SNX4: variants seen among roughly 807,000 people sequenced by gnomAD.
SNX4 encodes sorting nexin 4.
Under a neutral mutation model 70.8 loss-of-function variants are expected in SNX4, and 49 were observed. The ratio of observed to expected loss-of-function variants is 0.69; its 90% CI spans 0.55 to 0.88. The LOEUF (loss-of-function observed/expected upper bound fraction) is 0.88. Ranked by LOEUF, SNX4 falls within the 40% of genes least tolerant of loss-of-function variation. The pLI, the probability that SNX4 is intolerant of heterozygous loss-of-function variation, is 0.00. For synonymous variants in SNX4, 206 were observed against 183.8 expected (o/e 1.12, Z -0.98); for missense variants, 528 against 544.8 (o/e 0.97, Z 0.31).
chr3:125,480,166 C>A, intron 7 of SNX4, 81 bp downstream of exon 7: 1 of 813,504 alleles, frequency 1.2e-6, no homozygotes, highest in South Asian at 2.3e-5. Flanking sequence ...GTAAATACCA[C>A]CTACTACTTG....
At position 125,457,360 on chromosome 3, in the gene SNX4, A is replaced by C. The variant is rs767594625; in HGVS notation, c.950T>G (p.Val317Gly). 1 of 1,611,738 alleles carries C rather than the reference A, an allele frequency of 6.2e-7. No homozygotes were observed. Among genetic ancestry groups the C allele is most frequent in the Non-Finnish European group, 8.5e-7 (1 of 1,178,022 alleles). The stretch of plus-strand genomic sequence containing the variant: ...CTGCATAAGTTCATGTTTCCTGCAC[A>C]CAGCCCTACAGATGAAAAAATGTGC... Reference protein sequence around the residue: ...YLFYAEALRAVCRKHELMQYD... With the variant: ...YLFYAEALRAGCRKHELMQYD... Residue 317 changes from valine (V) to glycine (G), a missense_variant, in exon 11 of 14, where the codon GTG becomes GGG. By Grantham distance (109) the Val-to-Gly change is moderately radical. This residue lies in a region of SNX4 where 159 missense variants were observed against 172.6 expected (regional missense o/e 0.92). Coordinates refer to ENST00000251775, the MANE Select transcript of SNX4 (RefSeq NM_003794.4).
chr3:125,501,173 T>A (rs1213306508), intron 2 of SNX4, among the ~76,000 whole-genome samples: 4 of 152,166 alleles, frequency 2.6e-5, no homozygotes, highest in Admixed American at 1.3e-4. Context: ...AAACAATCTA[T>A]TCAAAATCAG....
intron 5 of SNX4, among the ~76,000 whole-genome samples, chr3:125,495,024 T>C (rs930201361): frequency 6.6e-6 from 1 of 151,820 alleles, no homozygotes; most frequent in African/African-American, 2.4e-5. Flanking sequence ...GGCTGTAACC[T>C]AAAAAACAGC....
intron 7 of SNX4, among the ~76,000 whole-genome samples, chr3:125,477,391 T>A (rs963645796): frequency 6.6e-6 from 1 of 152,190 alleles, no homozygotes; most frequent in Non-Finnish European, 1.5e-5. Context: ...ATCACTGAAA[T>A]GTGTACTGCC....
chr3:125,482,381 T>C (rs2107546938), intron 6 of SNX4, among the ~76,000 whole-genome samples: 1 of 152,268 alleles, frequency 6.6e-6, no homozygotes, highest in South Asian at 2.1e-4. Context: ...TGTATTTCCT[T>C]CTCCTCTCCT....
At chr3:125,506,698 T>C (rs1005840981) in intron 1 of SNX4, among the ~76,000 whole-genome samples, 1 of 151,252 alleles carries the variant, frequency 6.6e-6, no homozygotes, top group African/African-American at 2.4e-5. Context: ...ATGATCCACC[T>C]GCCTCAGCCT....
intron 2 of SNX4, among the ~76,000 whole-genome samples, chr3:125,500,409 T>C (rs1007193100): frequency 5.3e-5 from 8 of 152,172 alleles, no homozygotes; most frequent in Non-Finnish European, 8.8e-5. Context: ...TCTTGGGGAA[T>C]TAAAAACCAG....
intron 8 of SNX4, among the ~76,000 whole-genome samples, chr3:125,473,280 C>T (rs1475570358): frequency 2.0e-5 from 3 of 152,158 alleles, no homozygotes; most frequent in Non-Finnish European, 2.9e-5. Context: ...CAATAACTTG[C>T]TGTCTTTCCT....
Position 125,480,413 on chromosome 3 carries a change from A to C in SNX4, c.654-94T>G, listed in dbSNP as rs1030667400. On this transcript the variant is annotated intron_variant, in intron 6 of 13. Transcript: ENST00000251775. Reference sequence around the variant, plus strand: ...AACAGTAGTTCCCGACAATAACAAAACTGATTCTATTTAACCATATGCTGG... The same window carrying C: ...AACAGTAGTTCCCGACAATAACAAACCTGATTCTATTTAACCATATGCTGG... The C allele has an allele frequency of 1.8e-5, 11 of 606,590 alleles. No individual in the cohort carries two copies. In the South Asian group the frequency reaches 4.3e-4, roughly 23 times the overall value. 37.6% of individuals were successfully genotyped at this position (606,590 alleles called of 1,614,324 possible).
chr3:125,494,880 A>G (rs1483153650), intron 5 of SNX4, among the ~76,000 whole-genome samples: 1 of 152,160 alleles, frequency 6.6e-6, no homozygotes, highest in African/African-American at 2.4e-5. Flanking sequence ...GCCTCACGCC[A>G]AATGTACCCA....
chr3:125,493,389 C>T (rs1433702332), intron 5 of SNX4, among the ~76,000 whole-genome samples: 2 of 152,154 alleles, frequency 1.3e-5, no homozygotes, highest in African/African-American at 2.4e-5. Context: ...CGTGGTGGCT[C>T]ACACCTGTAA....
chr3:125,512,923 C>A (rs1935199519), intron 1 of SNX4, among the ~76,000 whole-genome samples: 1 of 152,098 alleles, frequency 6.6e-6, no homozygotes, highest in South Asian at 2.1e-4. Context: ...CCACCACATT[C>A]AACTAATTTT....
chr3:125,486,601 G>A (rs1369752936), intron 6 of SNX4, among the ~76,000 whole-genome samples: 1 of 152,102 alleles, frequency 6.6e-6, no homozygotes, highest in Non-Finnish European at 1.5e-5. Flanking sequence ...ACTCCAGCCT[G>A]GGCAACACAG....
intron 1 of SNX4, among the ~76,000 whole-genome samples, chr3:125,514,847 C>T (rs899681930): frequency 3.3e-5 from 5 of 152,230 alleles, no homozygotes; most frequent in African/African-American, 1.2e-4. Context: ...CCACACTAGG[C>T]TAATGTTTTT....
At chr3:125,497,202 G>T in intron 5 of SNX4, 139 bp downstream of exon 5, 1 of 545,410 alleles carries the variant, frequency 1.8e-6, no homozygotes. Flanking sequence ...GTGTTTCTTT[G>T]AAAACCTTAC....
intron 8 of SNX4, among the ~76,000 whole-genome samples, chr3:125,470,395 T>C (rs1471314025): frequency 6.6e-6 from 1 of 151,780 alleles, no homozygotes; most frequent in East Asian, 1.9e-4. Context: ...AAAGAATGTA[T>C]AATAATCATC....
In SNX4 at chr3:125,453,787, C is replaced by T. The variant is rs562251187; in HGVS notation, c.1190+23G>A. On this transcript the variant is annotated intron_variant, in intron 12 of 13. Transcript: ENST00000251775. ...CCATATAGTCTACAAGCCTAGCTTA[C>T]TTAAACATCGCAGCATCTTTACCTG... 5 of 1,611,074 alleles carry T rather than the reference C, an allele frequency of 3.1e-6. No individual in the cohort carries two copies. The South Asian group carries it at 5.5e-5, about 18-fold the overall frequency.
chr3:125,490,502 C>T (rs1260573794), intron 5 of SNX4, among the ~76,000 whole-genome samples: 14 of 124,652 alleles, frequency 1.1e-4, no homozygotes, highest in Non-Finnish European at 1.7e-4. Flanking sequence ...CCAGCCTGGG[C>T]GACAGAGTGA....
intron 8 of SNX4, among the ~76,000 whole-genome samples, chr3:125,471,163 G>T (rs1043619849): frequency 1.3e-5 from 2 of 151,872 alleles, no homozygotes; most frequent in African/African-American, 4.8e-5. Flanking sequence ...TGACCAACAT[G>T]GAGAAACCCT....
Sources: gnomAD v4.1 joint callset for allele counts (sites outside exome capture counted in the v4.1 genomes callset) on GRCh38, gnomAD v4.1.1 for gene constraint, gnomAD v4.1.1 regional missense constraint, MANE v1.5 for transcripts, NCBI Gene and HGNC (gene_info 2026-07-23, HGNC 2026-07-21) for gene names.